Variants in DAB2 observed in about 807,000 individuals in gnomAD.
The protein encoded by DAB2 is disabled homolog 2.
Under a neutral mutation model 71.6 loss-of-function variants are expected in DAB2, and 28 were observed. The observed-to-expected ratio is 0.39, with a 90% CI of 0.29 to 0.54. The LOEUF (loss-of-function observed/expected upper bound fraction) is 0.54, where lower values mean the gene tolerates loss of function less well. Ranked by LOEUF, DAB2 falls within the 20% of genes least tolerant of loss-of-function variation. The pLI, the probability that DAB2 is intolerant of heterozygous loss-of-function variation, is 0.68. For synonymous variants in DAB2, 345 were observed against 339.7 expected, an observed-to-expected ratio of 1.02 and a Z score of -0.17; for missense variants, 867 against 928.8, an observed-to-expected ratio of 0.93 and a Z score of 0.86.
At chr5:39,398,816 G>A (rs1755436629) in intron 1 of DAB2, among the ~76,000 whole-genome samples, 1 of 152,128 alleles carries the variant, frequency 6.6e-6, no homozygotes, top group African/African-American at 2.4e-5. Flanking sequence ...TGTCAAATAG[G>A]CAAGTTATCA....
At chr5:39,374,889 G>A (rs955865585) in intron 14 of DAB2, 125 bp downstream of exon 14, 3 of 682,936 alleles carry the variant, frequency 4.4e-6, no homozygotes, top group African/African-American at 1.8e-5. Flanking sequence ...TTTTCCTGTC[G>A]ATTACTCCTA....
intron 5 of DAB2, 38 bp downstream of exon 5, chr5:39,390,406 G>C (rs1454560531): frequency 1.3e-6 from 2 of 1,599,298 alleles, no homozygotes; most frequent in African/African-American, 2.7e-5. Context: ...GTCCACAGAG[G>C]ACAAGTCCCC....
intron 5 of DAB2, 135 bp from the exon 6 acceptor site, chr5:39,390,067 G>A (rs1389057413): frequency 4.5e-6 from 3 of 662,734 alleles, no homozygotes; most frequent in Non-Finnish European, 7.6e-6. Context: ...CTGGCTTATA[G>A]GGGATCACCA....
At chr5:39,381,346 A>G (rs904328581) in intron 11 of DAB2, 108 bp downstream of exon 11, 2 of 1,173,760 alleles carry the variant, frequency 1.7e-6, no homozygotes, top group East Asian at 2.4e-5. Flanking sequence ...GGGATGCTCA[A>G]ATCTTATGCT....
chr5:39,393,191 A>G (rs1309140844), intron 3 of DAB2, 63 bp downstream of exon 3: 1 of 1,530,410 alleles, frequency 6.5e-7, no homozygotes, highest in Non-Finnish European at 9.0e-7. Context: ...AAGAGCTTCT[A>G]ATATAATTCC....
chr5:39,377,803 C>G (rs181786957), intron 11 of DAB2, among the ~76,000 whole-genome samples: 1 of 152,190 alleles, frequency 6.6e-6, no homozygotes, highest in Non-Finnish European at 1.5e-5. Flanking sequence ...CCAGCAATCA[C>G]ACATGTGCAC....
rs994388105 is a variant in DAB2, at chr5:39,422,794, C to A, written c.-102+2010G>T. Among the ~76,000 whole-genome samples, 3 of 152,180 alleles carry A rather than the reference C, an allele frequency of 2.0e-5. No homozygotes were observed. Among genetic ancestry groups the A allele is most frequent in the Non-Finnish European group, 4.4e-5 (3 of 68,038 alleles). ...GCCGTACCCTTCAACCCAAACAAGG[C>A]CAGTGAAATCCATTCAACCTTTGGA... On this transcript the variant is annotated intron_variant, in intron 1 of 14. Coordinates refer to ENST00000320816, the MANE Select transcript of DAB2 (RefSeq NM_001343.4). The surrounding 1 kb of genome is among the most constrained non-coding windows in gnomAD (Gnocchi z 4.1).
At position 39,376,889 on chromosome 5, in the gene DAB2, G is replaced by A. The variant is rs1754843766; in HGVS notation, c.1898C>T (p.Ser633Phe). 3.1e-6 allele frequency: 5 copies of A among 1,614,126 alleles called. No homozygotes were observed. In the East Asian group the frequency reaches 8.9e-5, roughly 29 times the overall value. ...GTCTAAGGCAGTGAAGGCATCACTG[G>A]AGATGTCCTTGGGAGGGCCAGCTCT... ...PPRAGPPKDISSDAFTALDPL... is the reference protein window; with the variant it reads ...PPRAGPPKDIFSDAFTALDPL... Residue 633 changes from serine to phenylalanine, a missense_variant, in exon 12 of 15, where the codon TCC becomes TTC. Physicochemically the swap from Ser to Phe is radical, Grantham distance 155 (BLOSUM62 -2). Coordinates refer to ENST00000320816, the MANE Select transcript of DAB2 (RefSeq NM_001343.4).
chr5:39,382,203 AC>A (rs1344850933), intron 10 of DAB2, among the ~76,000 whole-genome samples: 1 of 152,196 alleles, frequency 6.6e-6, no homozygotes, highest in Non-Finnish European at 1.5e-5. Flanking sequence ...AGAATTTTAT[AC>A]CACCACCATG....
chr5:39,381,221 A>G (rs1437673910), intron 11 of DAB2, among the ~76,000 whole-genome samples: 1 of 152,166 alleles, frequency 6.6e-6, no homozygotes, highest in Non-Finnish European at 1.5e-5. Context: ...AGTAAGTACA[A>G]TACTGAAAAT....
At chr5:39,413,480 T>C (rs1235540879) in intron 1 of DAB2, among the ~76,000 whole-genome samples, 3 of 152,148 alleles carry the variant, frequency 2.0e-5, no homozygotes, top group African/African-American at 7.2e-5. Flanking sequence ...GTATATGAAG[T>C]GGAATGACAT....
intron 10 of DAB2, among the ~76,000 whole-genome samples, 190 bp from the exon 11 acceptor site, chr5:39,381,806 C>T (rs571380005): frequency 1.2e-4 from 18 of 152,304 alleles, no homozygotes; most frequent in Admixed American, 3.3e-4. Flanking sequence ...ATTCCTACAA[C>T]GGACGGACTA....
intron 4 of DAB2, 85 bp from the exon 5 acceptor site, chr5:39,390,660 TGAAG>T: frequency 5.2e-6 from 5 of 957,036 alleles, no homozygotes; most frequent in Non-Finnish European, 7.7e-6. Flanking sequence ...GACACATATA[TGAAG>T]GCATATATGA....
rs199558080 is a variant in DAB2 at position 39,382,969 on chromosome 5, C to T, written c.990G>A (p.Pro330=). The part of the protein sequence containing the change: ...KKENSSSSST[P]LSNGPLNGDV... ...CACCATTCAGGGGCCCATTACTCAG[C>T]GGAGTAGACGAGCTACTCGAATTCT... is the stretch of plus-strand genomic sequence containing the variant. Residue 330 remains proline, a synonymous_variant, in exon 10 of 15, where the codon CCG becomes CCA. Coordinates refer to ENST00000320816, the MANE Select transcript of DAB2 (RefSeq NM_001343.4). 95 of 1,614,040 alleles carry T rather than the reference C, an allele frequency of 5.9e-5. 1 individual carries two copies. Among genetic ancestry groups the T allele is most frequent in the African/African-American group, 4.1e-4 (31 of 75,012 alleles).
At chr5:39,391,234 C>A (rs1156433930) in intron 4 of DAB2, among the ~76,000 whole-genome samples, 1 of 152,070 alleles carries the variant, frequency 6.6e-6, no homozygotes, top group East Asian at 1.9e-4. Context: ...TTCTATTTTT[C>A]CCTCCTTTTT....
At chr5:39,423,261 C>G (rs147167813) in intron 1 of DAB2, among the ~76,000 whole-genome samples, 217 of 5,788 alleles carry the variant, frequency 0.037, no homozygotes, top group African/African-American at 0.21. Context: ...AAGAAGTGGT[C>G]TGTCCCAGAA....
In DAB2 at chr5:39,382,937, T is replaced by A. The variant is rs1197999593; in HGVS notation, c.1022A>T (p.Asp341Val). Residue 341 changes from aspartate (D) to valine (V), a missense_variant, in exon 10 of 15, where the codon GAC (aspartate) becomes GTC (valine). Physicochemically the swap from Asp to Val is radical, Grantham distance 152. Coordinates refer to ENST00000320816, the MANE Select transcript of DAB2 (RefSeq NM_001343.4). ...CTGGTCAAATTGCTGACCAAAGTAG[T>A]CAACATCACCATTCAGGGGCCCATT... ...LSNGPLNGDV[D>V]YFGQQFDQIS... The A allele has an allele frequency of 6.2e-7, 1 of 1,614,006 alleles. No homozygotes were observed. The highest frequency in any genetic ancestry group is 8.5e-7 in the Non-Finnish European group (1 of 1,180,028).
At chr5:39,398,231 G>A (rs994738161) in intron 1 of DAB2, among the ~76,000 whole-genome samples, 11 of 152,140 alleles carry the variant, frequency 7.2e-5, no homozygotes, top group African/African-American at 2.7e-4. Context: ...GGGAGGGAAC[G>A]GTGGCATCTG....
Position 39,377,289 on chromosome 5 carries a change from T to A in DAB2, c.1505-7A>T. ...AGTGTGACAGTTACACCACCTGAAG[T>A]AAGAGGAAGAAAAATACTTATCAGG... On this transcript the variant is annotated splice_region_variant and splice_polypyrimidine_tract_variant and intron_variant, in intron 11 of 14. Transcript: ENST00000320816. 6.2e-7 allele frequency: 1 copy of A among 1,601,426 alleles called. No individual in the cohort carries two copies. Among genetic ancestry groups the A allele is most frequent in the Non-Finnish European group, 8.5e-7 (1 of 1,173,760 alleles).
Sources: allele counts gnomAD v4.1 joint callset (sites outside exome capture counted in the v4.1 genomes callset), GRCh38; gene constraint gnomAD v4.1.1; non-coding constraint Gnocchi (gnomAD v3.1); transcripts MANE v1.5; gene names NCBI Gene and HGNC (gene_info 2026-07-23, HGNC 2026-07-21).